IGFBP4: variants seen among roughly 807,000 people sequenced by gnomAD.
IGFBP4 encodes insulin-like growth factor-binding protein 4.
In IGFBP4, 9 loss-of-function variants were observed where a neutral mutation model predicts 25.8. The ratio of observed to expected loss-of-function variants is 0.35; its 90% CI spans 0.21 to 0.61. IGFBP4 has a LOEUF of 0.61. Ranked by LOEUF, IGFBP4 falls within the 20% of genes least tolerant of loss-of-function variation. IGFBP4 has a pLI of 0.77. For missense variants in IGFBP4, 315 were observed against 365.3 expected (o/e 0.86, Z 1.12); for synonymous variants, 153 against 153.9 (o/e 0.99, Z 0.05).
intron 1 of IGFBP4, among the ~76,000 whole-genome samples, chr17:40,452,383 A>G (rs983861745): frequency 5.9e-5 from 9 of 152,168 alleles, no homozygotes; most frequent in African/African-American, 2.2e-4. Flanking sequence ...ACTCACACAC[A>G]CACTCACTCT....
chr17:40,453,462 G>A lies in IGFBP4; in HGVS notation c.507+320G>A, dbSNP rs756929497. Among the ~76,000 whole-genome samples, 32 of 152,108 alleles carry A rather than the reference G, an allele frequency of 2.1e-4. No homozygotes were observed. Among genetic ancestry groups the A allele is most frequent in the Non-Finnish European group, 3.7e-4 (25 of 68,020 alleles). On this transcript the variant is annotated intron_variant, in intron 2 of 3. Coordinates refer to ENST00000269593, the MANE Select transcript of IGFBP4 (RefSeq NM_001552.3). This position sits in a 1 kb window ranked among gnomAD's most constrained non-coding sequence, Gnocchi z 4.0. ...AAGCAGTTACCCAAAGCGCCCTGGG[G>A]TTTCTTGGCCTTTTTTGGATTCCCC... is the stretch of plus-strand genomic sequence containing the variant.
intron 1 of IGFBP4, among the ~76,000 whole-genome samples, chr17:40,447,870 G>C (rs2035658297): frequency 6.6e-6 from 1 of 152,312 alleles, no homozygotes. Context: ...GAAGCGGTAG[G>C]ACGAGGGAGC....
rs2035714687 is a variant in IGFBP4 at position 40,456,465 on chromosome 17, A to G, written c.659A>G (p.Asp220Gly). The stretch of plus-strand genomic sequence containing the variant: ...TCTTGGCAGTGTCACCCAGCTCTGG[A>G]TGGGCAGCGTGGCAAGTGCTGGTGT... Reference protein sequence around the residue: ...FHPKQCHPALDGQRGKCWCVD... With the variant: ...FHPKQCHPALGGQRGKCWCVD... The change falls in exon 4 of 4, where the codon GAT becomes GGT. Residue 220 changes from aspartate (D) to glycine (G), a missense_variant. Asp to Gly is a moderately conservative substitution (Grantham distance 94). Coordinates refer to ENST00000269593, the MANE Select transcript of IGFBP4 (RefSeq NM_001552.3). The G allele has an allele frequency of 6.2e-7, 1 of 1,613,840 alleles. No individual in the cohort carries two copies. Among genetic ancestry groups the G allele is most frequent in the African/African-American group, 1.3e-5 (1 of 74,870 alleles).
At chr17:40,454,536 G>A (rs1479982377) in intron 3 of IGFBP4, among the ~76,000 whole-genome samples, 2 of 152,238 alleles carry the variant, frequency 1.3e-5, no homozygotes, top group Non-Finnish European at 2.9e-5. Flanking sequence ...CCTGCAAGGC[G>A]AGTAGCAAAA....
In IGFBP4 at chr17:40,453,013, C is replaced by A; in HGVS notation, c.378C>A (p.Asn126Lys). The change falls in exon 2 of 4, where the codon AAC (asparagine) becomes AAA (lysine). Residue 126 changes from asparagine to lysine, a missense_variant. By Grantham distance (94) the Asn-to-Lys change is moderately conservative (BLOSUM62 0). Transcript: ENST00000269593. The surrounding 1 kb of genome is among the most constrained non-coding windows in gnomAD (Gnocchi z 4.0). ...AGGACGAGGGTGACCACCCCAACAA[C>A]AGCTTCAGCCCCTGTAGCGCCCATG... is the stretch of plus-strand genomic sequence containing the variant. ...SDKDEGDHPN[N>K]SFSPCSAHDR... 6.4e-7 allele frequency: 1 copy of A among 1,567,874 alleles called. No homozygotes were observed.
chr17:40,444,707 C>A lies in IGFBP4; in HGVS notation c.349+623C>A, dbSNP rs527622257. 6.6e-5 allele frequency among the ~76,000 whole-genome samples: 10 copies of A among 152,190 alleles called. No individual in the cohort carries two copies. The South Asian group carries it at 2.1e-3, about 32-fold the overall frequency. On this transcript the variant is annotated intron_variant, in intron 1 of 3. Coordinates refer to ENST00000269593, the MANE Select transcript of IGFBP4 (RefSeq NM_001552.3). Reference sequence around the variant, plus strand: ...CCTCTGCCAGGCCTGGACACCTCTGCCTGCCCTGGTATACAGGCCCCCTGT... The same window carrying A: ...CCTCTGCCAGGCCTGGACACCTCTGACTGCCCTGGTATACAGGCCCCCTGT...
chr17:40,456,365 C>A, intron 3 of IGFBP4, 84 bp from the exon 4 acceptor site: 1 of 1,430,994 alleles, frequency 7.0e-7, no homozygotes, highest in Non-Finnish European at 9.7e-7. Flanking sequence ...GACTTGGGGG[C>A]TGGGCTGGGC....
At chr17:40,454,625 A>C (rs563395754) in intron 3 of IGFBP4, among the ~76,000 whole-genome samples, 1 of 152,336 alleles carries the variant, frequency 6.6e-6, no homozygotes, top group East Asian at 1.9e-4. Flanking sequence ...AAGCAGAGGA[A>C]GGAGTGGGGC....
At chr17:40,444,536 T>C (rs2035629741) in intron 1 of IGFBP4, among the ~76,000 whole-genome samples, 1 of 152,054 alleles carries the variant, frequency 6.6e-6, no homozygotes, top group South Asian at 2.1e-4. Context: ...AGCCAGGGCC[T>C]GAACTTTTTT....
At chr17:40,444,516 T>G (rs1029203387) in intron 1 of IGFBP4, among the ~76,000 whole-genome samples, 1 of 151,994 alleles carries the variant, frequency 6.6e-6, no homozygotes, top group African/African-American at 2.4e-5. Flanking sequence ...GAAATCCCAG[T>G]GGTCTGGGGA....
intron 1 of IGFBP4, among the ~76,000 whole-genome samples, chr17:40,450,529 G>GT (rs533802407): frequency 4.5e-4 from 67 of 150,492 alleles, no homozygotes; most frequent in Middle Eastern, 6.8e-3. Context: ...TTTTTTTTTT[G>GT]TTTTTTTGTT....
At position 40,452,770 on chromosome 17, in the gene IGFBP4, A is replaced by G. The variant is rs571952419; in HGVS notation, c.350-215A>G. Among the ~76,000 whole-genome samples, 4 of 152,202 alleles carry G rather than the reference A, an allele frequency of 2.6e-5. No homozygotes were observed. In the East Asian group the frequency reaches 7.7e-4, roughly 29 times the overall value. On this transcript the variant is annotated intron_variant, in intron 1 of 3. Coordinates refer to ENST00000269593, the MANE Select transcript of IGFBP4 (RefSeq NM_001552.3). ...GCCTGAGTGGGGTGAGGGACAAGTC[A>G]AGGACTTCAAGAGGAATATTCTCCT...
Position 40,443,822 on chromosome 17 carries a change from C to G in IGFBP4, c.87C>G (p.Pro29=), listed in dbSNP as rs767776913. 2 of 1,536,016 alleles carry G rather than the reference C, an allele frequency of 1.3e-6. No individual in the cohort carries two copies. The highest frequency in any genetic ancestry group is 4.9e-5 in the East Asian group (2 of 40,926). ...GCGACGAAGCCATCCACTGCCCGCC[C>G]TGCTCCGAGGAGAAGCTGGCGCGCT... ...SLGDEAIHCP[P]CSEEKLARCR... Residue 29 remains proline, a synonymous_variant, in exon 1 of 4, where the codon CCC becomes CCG. Coordinates refer to ENST00000269593, the MANE Select transcript of IGFBP4 (RefSeq NM_001552.3).
intron 3 of IGFBP4, among the ~76,000 whole-genome samples, chr17:40,455,184 G>A (rs1486115107): frequency 6.6e-6 from 1 of 152,148 alleles, no homozygotes; most frequent in South Asian, 2.1e-4. Flanking sequence ...GGGTTTCAAT[G>A]TACTGTCATC....
At chr17:40,452,937 T>A (rs2035693314) in intron 1 of IGFBP4, 48 bp from the exon 2 acceptor site, 2 of 1,408,464 alleles carry the variant, frequency 1.4e-6, no homozygotes, top group African/African-American at 1.5e-5. Context: ...GGTGTGACGC[T>A]CTGACCTCTT....
chr17:40,444,011 A>G lies in IGFBP4; in HGVS notation c.276A>G (p.Thr92=). The change falls in exon 1 of 4, where the codon ACA becomes ACG. Residue 92 remains threonine (T), a synonymous_variant. Transcript: ENST00000269593. Reference sequence around the variant, plus strand: ...GAGGGGTGGAGAAGCCCCTGCACACACTGATGCACGGGCAAGGCGTGTGCA... The same window carrying G: ...GAGGGGTGGAGAAGCCCCTGCACACGCTGATGCACGGGCAAGGCGTGTGCA... ...PPRGVEKPLH[T]LMHGQGVCME... 1 of 1,536,748 alleles carries G rather than the reference A, an allele frequency of 6.5e-7. No homozygotes were observed. The highest frequency in any genetic ancestry group is 8.7e-7 in the Non-Finnish European group (1 of 1,147,010).
chr17:40,446,555 G>A (rs7222709), intron 1 of IGFBP4, among the ~76,000 whole-genome samples: 25,188 of 152,152 alleles, frequency 0.17, 2,609 homozygotes, highest in Admixed American at 0.21. Flanking sequence ...GGTGGAGGTT[G>A]CAGTGAACCA....
At chr17:40,456,400 G>A (rs745306775) in intron 3 of IGFBP4, 49 bp from the exon 4 acceptor site, 2 of 1,609,324 alleles carry the variant, frequency 1.2e-6, no homozygotes, top group African/African-American at 1.3e-5. Flanking sequence ...GTCACTTGGG[G>A]TCTCTTTTCC....
In IGFBP4 at chr17:40,444,884, A is replaced by AC. The variant is rs2035632456; in HGVS notation, c.349+800_349+801insC. 4.0e-3 allele frequency among the ~76,000 whole-genome samples: 321 copies of AC among 80,308 alleles called. 1 individual carries two copies. Among genetic ancestry groups the AC allele is most frequent in the Non-Finnish European group, 5.2e-3 (216 of 41,814 alleles). 52.7% of individuals were successfully genotyped at this position (80,308 alleles called of 152,430 possible). A position where few individuals can be genotyped will look rare whatever the true frequency, so the allele number is the denominator to read the frequency against. ...AGAGAGAGAGAGAGAGAGAGAGAGA[A>AC]ACACACACACACACACACACACACA... On this transcript the variant is annotated intron_variant, in intron 1 of 3. Transcript: ENST00000269593.
Sources: allele counts gnomAD v4.1 joint callset (sites outside exome capture counted in the v4.1 genomes callset), GRCh38; gene constraint gnomAD v4.1.1; non-coding constraint Gnocchi (gnomAD v3.1); transcripts MANE v1.5; gene names NCBI Gene and HGNC (gene_info 2026-07-23, HGNC 2026-07-21).